The following ELOVL7 variants were observed in gnomAD, a reference collection of about 807,000 sequenced individuals.
The protein encoded by ELOVL7 is very long chain fatty acid elongase 7.
In ELOVL7, 27 loss-of-function variants were observed where a neutral mutation model predicts 35.7. The observed-to-expected ratio is 0.76, with a 90% CI of 0.56 to 1.04. ELOVL7 has a LOEUF of 1.04. ELOVL7 is among the 50% of genes least tolerant of loss of function. The pLI is 0.00. For synonymous variants in ELOVL7, 113 were observed against 114.6 expected (o/e 0.99, Z 0.09); for missense variants, 327 against 340.8 (o/e 0.96, Z 0.32).
chr5:60,759,674 C>T (rs899680050), intron 7 of ELOVL7, among the ~76,000 whole-genome samples: 3 of 150,616 alleles, frequency 2.0e-5, no homozygotes, highest in African/African-American at 7.4e-5. Flanking sequence ...TTTTAGGGTA[C>T]ATGTGCACAA....
rs923463164 is a variant in ELOVL7, at chr5:60,754,542, C to T, written c.*82G>A. 2.4e-6 allele frequency: 3 copies of T among 1,261,700 alleles called. No homozygotes were observed. The highest frequency in any genetic ancestry group is 3.4e-6 in the Non-Finnish European group (3 of 892,696). 78.2% of individuals were successfully genotyped at this position (1,261,700 alleles called of 1,614,324 possible). A position where few individuals can be genotyped will look rare whatever the true frequency, so the allele number is the denominator to read the frequency against. On this transcript the variant is annotated 3_prime_UTR_variant, in exon 9 of 9. Coordinates refer to ENST00000508821, the MANE Select transcript of ELOVL7 (RefSeq NM_024930.3). ...CAAGCTCTTAGTTTTGAAAAATATA[C>T]AAAATGCACTGCATAGGTAAATATC... is the stretch of plus-strand genomic sequence containing the variant.
chr5:60,754,493 T>C lies in ELOVL7; in HGVS notation c.*131A>G, dbSNP rs1741410888. ...GCTTCGGGCTCTCAAATATCAGACATCCCAATAACTTACCATAAAAATACA... is the reference window on the plus strand; with the variant it reads ...GCTTCGGGCTCTCAAATATCAGACACCCCAATAACTTACCATAAAAATACA... On this transcript the variant is annotated 3_prime_UTR_variant, in exon 9 of 9. Transcript: ENST00000508821. 1.3e-6 allele frequency: 1 copy of C among 765,282 alleles called. No individual in the cohort carries two copies. The highest frequency in any genetic ancestry group is 2.1e-6 in the Non-Finnish European group (1 of 480,002). The allele number at this position is 765,282 out of a possible 1,614,324, so 47.4% of individuals were successfully genotyped here.
At chr5:60,758,543 C>A (rs1392977983) in intron 7 of ELOVL7, among the ~76,000 whole-genome samples, 1 of 152,172 alleles carries the variant, frequency 6.6e-6, no homozygotes, top group Non-Finnish European at 1.5e-5. Context: ...TCCTTATTTA[C>A]GGCTTCCAAT....
chr5:60,802,252 T>TTA (rs1186255149), intron 1 of ELOVL7, among the ~76,000 whole-genome samples: 1 of 151,982 alleles, frequency 6.6e-6, no homozygotes, highest in African/African-American at 2.4e-5. Flanking sequence ...AATTTTTCTT[T>TTA]TATATCCCTT....
chr5:60,811,014 C>T (rs980540286), intron 1 of ELOVL7, among the ~76,000 whole-genome samples: 6 of 152,050 alleles, frequency 3.9e-5, no homozygotes, highest in Non-Finnish European at 8.8e-5. Flanking sequence ...TTCACATGAC[C>T]AGGTCAACCT....
chr5:60,814,551 G>A (rs1354982905), intron 1 of ELOVL7, among the ~76,000 whole-genome samples: 1 of 152,162 alleles, frequency 6.6e-6, no homozygotes, highest in Non-Finnish European at 1.5e-5. Context: ...TGAAGGTTCT[G>A]GGTCATGTAC....
intron 3 of ELOVL7, among the ~76,000 whole-genome samples, chr5:60,786,536 G>A (rs1287062503): frequency 6.6e-6 from 1 of 152,106 alleles, no homozygotes; most frequent in South Asian, 2.1e-4. Context: ...AAATGGGCAA[G>A]GGTAAAAGGC....
At chr5:60,836,213 T>C (rs1055191727) in intron 1 of ELOVL7, among the ~76,000 whole-genome samples, 1 of 152,018 alleles carries the variant, frequency 6.6e-6, no homozygotes. Context: ...TCCACTACCA[T>C]TTTTTTCCTT....
intron 1 of ELOVL7, among the ~76,000 whole-genome samples, chr5:60,810,893 A>G (rs748146356): frequency 6.6e-6 from 1 of 152,200 alleles, no homozygotes; most frequent in Non-Finnish European, 1.5e-5. Flanking sequence ...GCATTCGTCA[A>G]TCAGTAAAGA....
At chr5:60,826,424 T>G (rs1429180104) in intron 1 of ELOVL7, among the ~76,000 whole-genome samples, 1 of 152,194 alleles carries the variant, frequency 6.6e-6, no homozygotes, top group African/African-American at 2.4e-5. Context: ...ATCTTATAAC[T>G]GAACTTTTCT....
intron 1 of ELOVL7, among the ~76,000 whole-genome samples, chr5:60,804,901 T>C (rs922680808): frequency 1.3e-5 from 2 of 152,220 alleles, no homozygotes; most frequent in African/African-American, 4.8e-5. Context: ...AGACACAATA[T>C]TATTTTTAAA....
At chr5:60,825,476 G>T (rs183376591) in intron 1 of ELOVL7, among the ~76,000 whole-genome samples, 1 of 152,030 alleles carries the variant, frequency 6.6e-6, no homozygotes, top group African/African-American at 2.4e-5. Flanking sequence ...CTTGTTTACC[G>T]TCTGGCCCTC....
intron 1 of ELOVL7, among the ~76,000 whole-genome samples, chr5:60,833,265 C>T (rs964905905): frequency 6.6e-6 from 1 of 152,156 alleles, no homozygotes; most frequent in Non-Finnish European, 1.5e-5. Context: ...GAAATGGCCT[C>T]GTGTCCTCAA....
At chr5:60,756,998 G>C (rs1441332498) in intron 8 of ELOVL7, among the ~76,000 whole-genome samples, 2 of 151,960 alleles carry the variant, frequency 1.3e-5, no homozygotes, top group Admixed American at 6.6e-5. Flanking sequence ...CTTATATAAG[G>C]GCAGTATTCA....
intron 1 of ELOVL7, among the ~76,000 whole-genome samples, chr5:60,839,118 A>G (rs1382980602): frequency 1.3e-5 from 2 of 152,084 alleles, no homozygotes; most frequent in Non-Finnish European, 1.5e-5. Flanking sequence ...TGAGCAGATC[A>G]TCACCTGAGT....
intron 1 of ELOVL7, among the ~76,000 whole-genome samples, chr5:60,843,234 A>C (rs1747286631): frequency 6.6e-6 from 1 of 152,118 alleles, no homozygotes; most frequent in African/African-American, 2.4e-5. Flanking sequence ...TGGGAGCAGG[A>C]CAGGTGTAAA....
At chr5:60,827,864 T>G (rs1746260141) in intron 1 of ELOVL7, among the ~76,000 whole-genome samples, 1 of 152,154 alleles carries the variant, frequency 6.6e-6, no homozygotes, top group African/African-American at 2.4e-5. Context: ...GGCCCCAACC[T>G]TGGCCTCCCA....
In ELOVL7 at chr5:60,754,695, G is replaced by A. The variant is rs116939630; in HGVS notation, c.775C>T (p.Arg259Cys). Residue 259 changes from arginine (R) to cysteine (C), a missense_variant, in exon 9 of 9, where the codon CGT becomes TGT. Arg to Cys is a radical substitution (Grantham distance 180). Transcript: ENST00000508821. ...AACCTCTGACCTTTGGTGTAAGCAC[G>A]GTACCAAAAATGGAGAAAGAGCAGC... ...FLLLFLHFWY[R>C]AYTKGQRLPK... 1,284 of 1,614,030 alleles carry A rather than the reference G, an allele frequency of 8.0e-4. 26 individuals carry two copies. The East Asian group carries it at 0.022, about 28-fold the overall frequency.
At chr5:60,779,766 C>T (rs1223332744) in intron 3 of ELOVL7, among the ~76,000 whole-genome samples, 1 of 152,264 alleles carries the variant, frequency 6.6e-6, no homozygotes, top group African/African-American at 2.4e-5. Flanking sequence ...ATTTCTGCAG[C>T]AGGCTTGAAT....
Sources: gnomAD v4.1 joint callset for allele counts (sites outside exome capture counted in the v4.1 genomes callset) on GRCh38, gnomAD v4.1.1 for gene constraint, MANE v1.5 for transcripts, NCBI Gene and HGNC (gene_info 2026-07-23, HGNC 2026-07-21) for gene names.